Variants in PCDH15 observed in about 807,000 individuals in gnomAD.
PCDH15 encodes protocadherin-15.
In PCDH15, 129 loss-of-function variants were observed where a neutral mutation model predicts 178.5. The ratio of observed to expected loss-of-function variants is 0.72; its 90% CI spans 0.63 to 0.84. The LOEUF (loss-of-function observed/expected upper bound fraction) is 0.84, where lower values mean the gene tolerates loss of function less well. Ranked by LOEUF, PCDH15 falls within the 40% of genes least tolerant of loss-of-function variation. The probability of loss-of-function intolerance (pLI) is 0.00; values close to 1 mark genes in which losing one functional copy is unlikely to be tolerated. For missense variants in PCDH15, 2,230 were observed against 2,099.9 expected, an observed-to-expected ratio of 1.06 and a Z score of -1.21; for synonymous variants, 800 against 732.0, an observed-to-expected ratio of 1.09 and a Z score of -1.50.
chr10:55,370,879 T>C (rs1588962449), intron 2 of PCDH15, among the ~76,000 whole-genome samples: 1 of 152,230 alleles, frequency 6.6e-6, no homozygotes, highest in East Asian at 1.9e-4. Context: ...TAGGTATTGG[T>C]GCCCAATTAT....
chr10:54,621,105 T>C (rs1326861891), intron 2 of PCDH15, among the ~76,000 whole-genome samples: 2 of 152,026 alleles, frequency 1.3e-5, no homozygotes, highest in Non-Finnish European at 2.9e-5. Context: ...TAGTTCATTT[T>C]AAGTAAGCCC....
chr10:55,417,092 T>A (rs1008383323), intron 2 of PCDH15, among the ~76,000 whole-genome samples: 7 of 151,808 alleles, frequency 4.6e-5, no homozygotes, highest in Non-Finnish European at 8.8e-5. Context: ...TAAAAAAATT[T>A]AAAAAACTGT....
Position 53,810,557 on chromosome 10 carries a change from T to A in PCDH15, c.4670A>T (p.Glu1557Val). 1.2e-6 allele frequency: 2 copies of A among 1,612,144 alleles called. No homozygotes were observed. The highest frequency in any genetic ancestry group is 2.2e-5 in the East Asian group (1 of 44,858). ...ACATAATAAAATTACAGTAATTACC[T>A]CTTCCTCCTCATATTCTTCCTCAGC... ...GEAEEEYEEEEWARKRMIKLV... is the reference protein window; with the variant it reads ...GEAEEEYEEEVWARKRMIKLV... The change falls in exon 37 of 38, where the codon GAG becomes GTG. Residue 1557 changes from glutamate (E) to valine (V), a missense_variant and splice_region_variant. By Grantham distance (121) the Glu-to-Val change is moderately radical (BLOSUM62 -2). Coordinates refer to ENST00000644397, the MANE Select transcript of PCDH15 (RefSeq NM_001384140.1).
chr10:53,810,481 C>G, intron 37 of PCDH15, 75 bp downstream of exon 37: 1 of 1,329,190 alleles, frequency 7.5e-7, no homozygotes, highest in East Asian at 2.3e-5. Context: ...AAATGTTCTA[C>G]AGCCGCTAGT....
intron 2 of PCDH15, among the ~76,000 whole-genome samples, chr10:55,551,751 A>C (rs984611398): frequency 7.9e-5 from 12 of 151,668 alleles, no homozygotes; most frequent in Admixed American, 7.9e-4. Flanking sequence ...ATTATTTATA[A>C]TTTTTAGTAT....
chr10:54,730,241 C>G (rs1224369865), intron 1 of PCDH15, among the ~76,000 whole-genome samples: 1 of 151,516 alleles, frequency 6.6e-6, no homozygotes, highest in Non-Finnish European at 1.5e-5. Flanking sequence ...AAATCATGTA[C>G]TTTTCAGCAA....
chr10:54,242,185 T>TAC (rs1220518077), intron 8 of PCDH15, among the ~76,000 whole-genome samples: 1 of 79,446 alleles, frequency 1.3e-5, no homozygotes, highest in Non-Finnish European at 2.5e-5. Context: ...TATATATATA[T>TAC]ATACACACAC....
At chr10:54,692,046 T>C (rs1006410785) in intron 1 of PCDH15, among the ~76,000 whole-genome samples, 12 of 152,280 alleles carry the variant, frequency 7.9e-5, no homozygotes, top group Admixed American at 3.3e-4. Context: ...AAATTTATCT[T>C]CAATAATTTT....
At chr10:54,247,226 T>C (rs771979789) in intron 8 of PCDH15, among the ~76,000 whole-genome samples, 3 of 151,936 alleles carry the variant, frequency 2.0e-5, no homozygotes, top group Non-Finnish European at 4.4e-5. Flanking sequence ...GTATAGACAA[T>C]AATTTTCCTT....
At chr10:54,157,875 G>T (rs151215136) in intron 13 of PCDH15, among the ~76,000 whole-genome samples, 1,705 of 152,258 alleles carry the variant, frequency 0.011, 36 homozygotes, top group African/African-American at 0.037. Flanking sequence ...AATCTCTAGA[G>T]CAGGGGCAAA....
chr10:54,395,318 A>G (rs1008726030), intron 3 of PCDH15, among the ~76,000 whole-genome samples: 7 of 151,978 alleles, frequency 4.6e-5, no homozygotes, highest in Admixed American at 3.3e-4. Flanking sequence ...CCATGGCTTC[A>G]GCAGGTCCCT....
chr10:53,898,660 A>G (rs2082127638), intron 26 of PCDH15, among the ~76,000 whole-genome samples: 2 of 152,182 alleles, frequency 1.3e-5, no homozygotes, highest in Non-Finnish European at 2.9e-5. Context: ...AAGTATCTAC[A>G]TGTCTGTATA....
At chr10:54,332,110 C>T (rs1214189057) in intron 6 of PCDH15, among the ~76,000 whole-genome samples, 3 of 148,930 alleles carry the variant, frequency 2.0e-5, no homozygotes, top group South Asian at 2.1e-4. Context: ...AAAAAGAGCC[C>T]GGATCTGTGT....
At chr10:55,112,392 A>G (rs1215113285) in intron 2 of PCDH15, among the ~76,000 whole-genome samples, 2 of 152,204 alleles carry the variant, frequency 1.3e-5, no homozygotes, top group South Asian at 2.1e-4. Flanking sequence ...TCACTGAGAC[A>G]GGAGAATTGG....
intron 18 of PCDH15, among the ~76,000 whole-genome samples, chr10:54,033,278 TTTAAGA>T (rs1281142505): frequency 1.3e-5 from 2 of 151,932 alleles, no homozygotes; most frequent in East Asian, 1.9e-4. Flanking sequence ...AAAAGAGGAT[TTTAAGA>T]TTTTTTTCTT....
chr10:54,574,750 C>T (rs2090262895), intron 2 of PCDH15, among the ~76,000 whole-genome samples: 1 of 150,388 alleles, frequency 6.6e-6, no homozygotes, highest in South Asian at 2.2e-4. Flanking sequence ...GGCGATTCCT[C>T]AGGGGTCTAG....
intron 2 of PCDH15, among the ~76,000 whole-genome samples, chr10:55,099,021 C>T (rs987178884): frequency 4.0e-5 from 6 of 151,682 alleles, no homozygotes; most frequent in Admixed American, 2.0e-4. Context: ...ATCTATTTGG[C>T]GCAAGATGAT....
Position 54,641,440 on chromosome 10 carries a change from T to A in PCDH15, c.91+22732A>T, listed in dbSNP as rs186402288. Among the ~76,000 whole-genome samples, 16 of 152,276 alleles carry A rather than the reference T, an allele frequency of 1.1e-4. No individual in the cohort carries two copies. The East Asian group carries it at 2.9e-3, about 28-fold the overall frequency. ...TTTTCCTACAACTAAACTGATGATC[T>A]CCCTTCTAAATGTAGCCCCTTTAGG... On this transcript the variant is annotated intron_variant, in intron 2 of 37. Transcript: ENST00000644397.
intron 2 of PCDH15, among the ~76,000 whole-genome samples, chr10:55,484,371 CAT>C (rs1189926706): frequency 6.6e-6 from 1 of 151,620 alleles, no homozygotes; most frequent in African/African-American, 2.4e-5. Context: ...AAATCCAAAA[CAT>C]ATATGAAAAT....
Sources: gnomAD v4.1 joint callset for allele counts (sites outside exome capture counted in the v4.1 genomes callset) on GRCh38, gnomAD v4.1.1 for gene constraint, MANE v1.5 for transcripts, NCBI Gene and HGNC (gene_info 2026-07-23, HGNC 2026-07-21) for gene names.